The following TLN2 variants were observed in gnomAD, a reference collection of about 807,000 sequenced individuals.
The protein encoded by TLN2 is talin 2.
A neutral mutation model predicts 294.7 loss-of-function variants in TLN2; 118 were observed. That is an observed-to-expected ratio of 0.40 (90% confidence interval 0.34 to 0.47). The LOEUF is 0.47. Among genes scored for constraint, TLN2 ranks in the 20% least tolerant of loss-of-function variants. The pLI, the probability that TLN2 is intolerant of heterozygous loss-of-function variation, is 0.84. For missense variants in TLN2, 3,083 were observed against 3,282.2 expected (o/e 0.94, Z 1.48); for synonymous variants, 1,431 against 1,304.5 (o/e 1.10, Z -2.09).
rs2068145643 is a variant in TLN2 at position 62,825,870 on chromosome 15, A to AAATATAT, written c.7002+5260_7002+5261insAATATAT. ...AAATATATTATATATATATATATTTATATATATATATAATAAGTCAGGCAT... is the reference window on the plus strand; with the variant it reads ...AAATATATTATATATATATATATTTAAATATATTATATATATATAATAAGTCAGGCAT... On this transcript the variant is annotated intron_variant, in intron 54 of 58. Coordinates refer to ENST00000636159, the MANE Select transcript of TLN2 (RefSeq NM_015059.3). Among the ~76,000 whole-genome samples the AAATATAT allele has an allele frequency of 3.1e-5, 3 of 97,116 alleles. No individual in the cohort carries two copies. In the South Asian group the frequency reaches 8.9e-4, roughly 29 times the overall value. The allele number at this position is 97,116 out of a possible 152,430, so 63.7% of individuals were successfully genotyped here. A position where few individuals can be genotyped will look rare whatever the true frequency, so the allele number is the denominator to read the frequency against.
intron 48 of TLN2, among the ~76,000 whole-genome samples, chr15:62,798,343 T>A (rs2065673533): frequency 6.6e-6 from 1 of 152,118 alleles, no homozygotes. Context: ...TGTTCCTTGG[T>A]CCCCTTCCCA....
chr15:62,725,150 G>C, intron 27 of TLN2, 46 bp downstream of exon 27: 1 of 1,567,712 alleles, frequency 6.4e-7, no homozygotes, highest in Non-Finnish European at 8.7e-7. Flanking sequence ...CTTTTGTTAT[G>C]ACGTTATTAA....
chr15:62,760,486 GGTTAA>G (rs942662492), intron 37 of TLN2, among the ~76,000 whole-genome samples: 3 of 152,106 alleles, frequency 2.0e-5, no homozygotes, highest in Non-Finnish European at 4.4e-5. Flanking sequence ...TGCTCATAAG[GGTTAA>G]GTTAAAAGTT....
At position 62,739,561 on chromosome 15, in the gene TLN2, G is replaced by T; in HGVS notation, c.3885+16G>T. ...CCAAGCTCAGGTGGGTGTGGAGGTGGTTGTCTGGAGTTGACCTTAGCCTCT... is the reference window on the plus strand; with the variant it reads ...CCAAGCTCAGGTGGGTGTGGAGGTGTTTGTCTGGAGTTGACCTTAGCCTCT... On this transcript the variant is annotated intron_variant, in intron 31 of 58. Coordinates refer to ENST00000636159, the MANE Select transcript of TLN2 (RefSeq NM_015059.3). 6.2e-7 allele frequency: 1 copy of T among 1,613,686 alleles called. No individual in the cohort carries two copies.
chr15:62,633,002 G>A (rs193067450), intron 3 of TLN2, among the ~76,000 whole-genome samples: 4 of 152,284 alleles, frequency 2.6e-5, no homozygotes, highest in Admixed American at 2.6e-4. Context: ...GTATAATTCT[G>A]CCACTCTAAC....
intron 1 of TLN2, among the ~76,000 whole-genome samples, chr15:62,463,480 G>A (rs1466754201): frequency 1.3e-5 from 2 of 152,124 alleles, no homozygotes; most frequent in African/African-American, 4.8e-5. Context: ...TTGTTTCCAT[G>A]TTACCTTTGT....
chr15:62,610,537 C>T (rs2047833323), intron 2 of TLN2, among the ~76,000 whole-genome samples: 1 of 152,204 alleles, frequency 6.6e-6, no homozygotes, highest in African/African-American at 2.4e-5. Context: ...GAACGCTAGA[C>T]AGCACCTCGG....
At position 62,761,819 on chromosome 15, in the gene TLN2, G is replaced by A. The variant is rs1234700579; in HGVS notation, c.4777G>A (p.Glu1593Lys). ...FVSIPAQISS[E>K]GSQAQEPILV... Reference sequence around the variant, plus strand: ...CAGCATTCCTGCCCAGATCAGCTCCGAGGTAGGGAGTGTTTACAGGAACAT... The same window carrying A: ...CAGCATTCCTGCCCAGATCAGCTCCAAGGTAGGGAGTGTTTACAGGAACAT... Residue 1593 changes from glutamate (E) to lysine (K), a missense_variant and splice_region_variant, in exon 38 of 59, where the codon GAG becomes AAG. Coordinates refer to ENST00000636159, the MANE Select transcript of TLN2 (RefSeq NM_015059.3). 5.0e-6 allele frequency: 8 copies of A among 1,613,962 alleles called. No individual in the cohort carries two copies. The highest frequency in any genetic ancestry group is 4.5e-5 in the East Asian group (2 of 44,894).
intron 46 of TLN2, among the ~76,000 whole-genome samples, chr15:62,793,136 G>T (rs889441130): frequency 1.2e-4 from 18 of 152,220 alleles, no homozygotes; most frequent in Non-Finnish European, 2.2e-4. Context: ...GCCCTTTCCT[G>T]CAACCTCTGT....
chr15:62,421,592 T>G (rs2034396934), intron 1 of TLN2, among the ~76,000 whole-genome samples: 1 of 151,668 alleles, frequency 6.6e-6, no homozygotes, highest in Non-Finnish European at 1.5e-5. Context: ...CCAAATACCA[T>G]ATGTTCTCAC....
chr15:62,481,786 T>TTTTC (rs1233587823), intron 1 of TLN2, among the ~76,000 whole-genome samples: 10 of 141,072 alleles, frequency 7.1e-5, no homozygotes, highest in South Asian at 2.3e-4. Flanking sequence ...TTATTTTTCT[T>TTTTC]TTTCTTTCTT....
intron 43 of TLN2, 95 bp downstream of exon 43, chr15:62,777,005 G>A (rs574264696): frequency 1.7e-5 from 20 of 1,193,764 alleles, no homozygotes; most frequent in Middle Eastern, 3.0e-4. Context: ...ATAGCAACAA[G>A]CCTCTTCTTT....
Position 62,770,942 on chromosome 15 carries a change from CTT to C in TLN2, c.5197-7_5197-6del, listed in dbSNP as rs34815657. 2,788 of 1,451,502 alleles carry C rather than the reference CTT, an allele frequency of 1.9e-3. No individual in the cohort carries two copies. Among genetic ancestry groups the C allele is most frequent in the South Asian group, 7.7e-3 (559 of 72,912 alleles). The allele number at this position is 1,451,502 out of a possible 1,614,324, so 89.9% of individuals were successfully genotyped here. ...GTGTATTTACATGATACATCTCTGGCTTTTTTTTTTTTTTTTGAAAGGTGACA... is the reference window on the plus strand; with the variant it reads ...GTGTATTTACATGATACATCTCTGGCTTTTTTTTTTTTTTGAAAGGTGACA... On this transcript the variant is annotated intron_variant, in intron 41 of 58. Transcript: ENST00000636159.
Position 62,797,399 on chromosome 15 carries a change from C to G in TLN2, c.6231C>G (p.Thr2077=), listed in dbSNP as rs1306273551. 4.4e-6 allele frequency: 7 copies of G among 1,600,680 alleles called. No homozygotes were observed. The East Asian group carries it at 8.9e-5, about 20-fold the overall frequency. The change falls in exon 48 of 59, where the codon ACC becomes ACG. Residue 2077 remains threonine, a synonymous_variant. Coordinates refer to ENST00000636159, the MANE Select transcript of TLN2 (RefSeq NM_015059.3). ...GCCTGGGCTCCGACGACCCCGAGACCCAGGTACCAGCAGGGCCTGGGGAGT... is the reference window on the plus strand; with the variant it reads ...GCCTGGGCTCCGACGACCCCGAGACGCAGGTACCAGCAGGGCCTGGGGAGT... ...AASLGSDDPE[T]QVVLINAIKD...
At chr15:62,392,337 T>A (rs979667926) in intron 1 of TLN2, among the ~76,000 whole-genome samples, 2 of 152,206 alleles carry the variant, frequency 1.3e-5, no homozygotes, top group Non-Finnish European at 2.9e-5. Flanking sequence ...GTCAAAGACA[T>A]AATTAAAGAC....
chr15:62,588,758 A>G (rs1267103056), intron 1 of TLN2, among the ~76,000 whole-genome samples: 1 of 146,318 alleles, frequency 6.8e-6, no homozygotes, highest in Non-Finnish European at 1.5e-5. Context: ...ATATGCAACT[A>G]TAAAGGACTG....
chr15:62,572,393 A>G (rs936454213), intron 1 of TLN2, among the ~76,000 whole-genome samples: 10 of 152,084 alleles, frequency 6.6e-5, no homozygotes, highest in African/African-American at 2.4e-5. Flanking sequence ...GCTGTGTGCC[A>G]CCACACCCAG....
intron 19 of TLN2, among the ~76,000 whole-genome samples, chr15:62,703,679 A>T (rs2058874833): frequency 6.6e-6 from 1 of 151,904 alleles, no homozygotes; most frequent in African/African-American, 2.4e-5. Flanking sequence ...TTTCCTTTGT[A>T]CTCAGAGGTG....
At chr15:62,485,197 C>T (rs1480794809) in intron 1 of TLN2, among the ~76,000 whole-genome samples, 1 of 152,212 alleles carries the variant, frequency 6.6e-6, no homozygotes, top group African/African-American at 2.4e-5. Context: ...CCAGGATAAT[C>T]TCTCCATCTC....
Sources: allele counts gnomAD v4.1 joint callset (sites outside exome capture counted in the v4.1 genomes callset), GRCh38; gene constraint gnomAD v4.1.1; transcripts MANE v1.5; gene names NCBI Gene and HGNC (gene_info 2026-07-23, HGNC 2026-07-21).